The following CNTLN variants were observed in gnomAD, a reference collection of about 807,000 sequenced individuals.
The protein encoded by CNTLN is centlein.
Under a neutral mutation model 180.0 loss-of-function variants are expected in CNTLN, and 212 were observed. The observed-to-expected ratio is 1.18, with a 90% CI of 1.05 to 1.32. CNTLN has a LOEUF of 1.32. Among genes scored for constraint, CNTLN ranks in the 40% most tolerant of loss-of-function variants. The pLI, the probability that CNTLN is intolerant of heterozygous loss-of-function variation, is 0.00. For missense variants in CNTLN, 2,095 were observed against 1,610.9 expected (o/e 1.30, Z -5.14); for synonymous variants, 722 against 563.1 (o/e 1.28, Z -3.99).
At chr9:17,451,306 G>C (rs1434977863) in intron 18 of CNTLN, among the ~76,000 whole-genome samples, 1 of 152,022 alleles carries the variant, frequency 6.6e-6, no homozygotes, top group Non-Finnish European at 1.5e-5. Flanking sequence ...TAATTTTTTA[G>C]AAACACAATA....
the CNTLN span, among the ~76,000 whole-genome samples, chr9:17,517,668 C>T: frequency 4.6e-5 from 7 of 152,102 alleles, no homozygotes; most frequent in South Asian, 4.1e-4. Flanking sequence ...GGAGCTAGAA[C>T]AGACCCATGG....
At chr9:17,482,955 A>T (rs1195775144) in intron 23 of CNTLN, among the ~76,000 whole-genome samples, 1 of 152,150 alleles carries the variant, frequency 6.6e-6, no homozygotes, top group Non-Finnish European at 1.5e-5. Context: ...GTATTTTTAT[A>T]TACCTCATTG....
chr9:17,205,651 C>G (rs1822865924), intron 2 of CNTLN, among the ~76,000 whole-genome samples: 1 of 152,194 alleles, frequency 6.6e-6, no homozygotes, highest in Non-Finnish European at 1.5e-5. Flanking sequence ...GGATTTGTCA[C>G]TTGTATACCA....
intron 2 of CNTLN, among the ~76,000 whole-genome samples, chr9:17,184,791 G>A (rs983498778): frequency 7.2e-5 from 11 of 152,126 alleles, no homozygotes; most frequent in Non-Finnish European, 1.3e-4. Context: ...AAATGAACAC[G>A]TCTTTATTCA....
chr9:17,325,103 C>A (rs1820175240), intron 8 of CNTLN, among the ~76,000 whole-genome samples: 1 of 150,328 alleles, frequency 6.7e-6, no homozygotes, highest in Non-Finnish European at 1.5e-5. Context: ...TAAACTAGTA[C>A]CCTTAGTTTT....
intron 5 of CNTLN, among the ~76,000 whole-genome samples, chr9:17,250,773 A>G (rs1826091068): frequency 6.6e-6 from 1 of 152,058 alleles, no homozygotes; most frequent in African/African-American, 2.4e-5. Flanking sequence ...CATATAGGAA[A>G]TAATAAGGAT....
chr9:17,195,605 T>C (rs1822078402), intron 2 of CNTLN, among the ~76,000 whole-genome samples: 1 of 152,226 alleles, frequency 6.6e-6, no homozygotes, highest in South Asian at 2.1e-4. Flanking sequence ...TCTAAATTAA[T>C]TCAAAATTAT....
At chr9:17,294,212 C>G (rs988704193) in intron 6 of CNTLN, among the ~76,000 whole-genome samples, 3 of 152,064 alleles carry the variant, frequency 2.0e-5, no homozygotes, top group South Asian at 4.2e-4. Flanking sequence ...AGTGAAAGAA[C>G]AAAGCTTCCA....
chr9:17,356,383 C>G (rs113461813), intron 12 of CNTLN, among the ~76,000 whole-genome samples: 3 of 152,034 alleles, frequency 2.0e-5, no homozygotes, highest in Non-Finnish European at 4.4e-5. Flanking sequence ...TAAGATTAAC[C>G]TAAAACCTAA....
At chr9:17,416,531 C>G (rs1828268666) in intron 18 of CNTLN, among the ~76,000 whole-genome samples, 1 of 152,122 alleles carries the variant, frequency 6.6e-6, no homozygotes, top group South Asian at 2.1e-4. Context: ...ACATAGCTTA[C>G]CCGTTTGCCT....
intron 2 of CNTLN, among the ~76,000 whole-genome samples, chr9:17,148,149 C>T (rs1818585799): frequency 6.6e-6 from 1 of 152,186 alleles, no homozygotes; most frequent in Non-Finnish European, 1.5e-5. Flanking sequence ...AACACACGGA[C>T]AATCTTGTTT....
intron 8 of CNTLN, among the ~76,000 whole-genome samples, chr9:17,325,883 G>C (rs137980068): frequency 1.3e-5 from 2 of 151,996 alleles, no homozygotes; most frequent in African/African-American, 4.8e-5. Flanking sequence ...TACAATTTTT[G>C]TAATTATTAT....
intron 2 of CNTLN, among the ~76,000 whole-genome samples, chr9:17,160,139 C>G (rs934411882): frequency 6.6e-6 from 1 of 152,108 alleles, no homozygotes; most frequent in Non-Finnish European, 1.5e-5. Flanking sequence ...TCCTGGCCAT[C>G]ATATTGTTTT....
chr9:17,394,852 C>T lies in CNTLN; in HGVS notation c.2398C>T (p.Gln800Ter), dbSNP rs149527170. ...ELINPMEKSH[Q>*]SADRAKSEMA... is the part of the protein sequence containing the mutation. ...GATCAACCCAATGGAGAAATCACAC[C>T]AGTCAGCAGACAGAGCTAAATCCGA... Residue 800 changes from glutamine to a stop codon, truncating the protein, a stop_gained, in exon 15 of 26, where the codon CAG becomes TAG. Coordinates refer to ENST00000380647, the MANE Select transcript of CNTLN (RefSeq NM_017738.4). LOFTEE classifies it high-confidence loss of function. The T allele has an allele frequency of 6.2e-7, 1 of 1,613,908 alleles. No homozygotes were observed. The highest frequency in any genetic ancestry group is 2.2e-5 in the East Asian group (1 of 44,854).
chr9:17,495,407 G>A (rs1182428762), intron 25 of CNTLN, among the ~76,000 whole-genome samples: 1 of 151,992 alleles, frequency 6.6e-6, no homozygotes, highest in Non-Finnish European at 1.5e-5. Flanking sequence ...CTGACCCTAT[G>A]TAGGCCCAGG....
At chr9:17,348,368 A>C (rs2133266855) in intron 12 of CNTLN, among the ~76,000 whole-genome samples, 1 of 152,260 alleles carries the variant, frequency 6.6e-6, no homozygotes, top group South Asian at 2.1e-4. Flanking sequence ...ATCATGCCTG[A>C]GGGAGAAGGT....
At chr9:17,435,368 A>G (rs1829706023) in intron 18 of CNTLN, among the ~76,000 whole-genome samples, 1 of 152,198 alleles carries the variant, frequency 6.6e-6, no homozygotes, top group Admixed American at 6.5e-5. Flanking sequence ...TTATTTTTAT[A>G]CTGCATTTGC....
intron 8 of CNTLN, among the ~76,000 whole-genome samples, chr9:17,325,811 C>T (rs1820252159): frequency 6.6e-6 from 1 of 151,864 alleles, no homozygotes; most frequent in South Asian, 2.1e-4. Context: ...TAATTATTAT[C>T]ATCATTGCAA....
At chr9:17,195,253 C>G (rs1038248597) in intron 2 of CNTLN, among the ~76,000 whole-genome samples, 21 of 152,158 alleles carry the variant, frequency 1.4e-4, no homozygotes, top group African/African-American at 4.6e-4. Flanking sequence ...CAAGTAGTTA[C>G]TGAAAGCTAA....
Sources: allele counts gnomAD v4.1 joint callset (sites outside exome capture counted in the v4.1 genomes callset), GRCh38; gene constraint gnomAD v4.1.1; transcripts MANE v1.5; gene names NCBI Gene and HGNC (gene_info 2026-07-23, HGNC 2026-07-21).